The following PLA2G15 variants were observed in gnomAD, a reference collection of about 807,000 sequenced individuals.
PLA2G15 encodes phospholipase A2 group XV, also known as lysosomal phospholipase A and acyltransferase.
PLA2G15 carries 20 observed loss-of-function variants against 40.9 expected under a neutral mutation model. The observed-to-expected ratio is 0.49, with a 90% CI of 0.34 to 0.71. The LOEUF (loss-of-function observed/expected upper bound fraction) is 0.71. PLA2G15 is among the 30% of genes least tolerant of loss of function. The pLI is 0.01. For missense variants in PLA2G15, 471 were observed against 541.9 expected (o/e 0.87, Z 1.30); for synonymous variants, 223 against 228.2 (o/e 0.98, Z 0.21).
At chr16:68,253,590 G>A (rs962695008) in intron 2 of PLA2G15, 2 of 320,224 alleles carry the variant, frequency 6.2e-6, no homozygotes, top group East Asian at 1.1e-4. Context: ...GGCCAGGCTG[G>A]TCTCGAACTC....
chr16:68,258,865 C>T (rs933097664), intron 5 of PLA2G15: 11 of 414,134 alleles, frequency 2.7e-5, no homozygotes, highest in Admixed American at 4.1e-5. Flanking sequence ...AAGGCTGAGG[C>T]GGGAGGATTG....
rs1393475141 is a variant in PLA2G15 at position 68,260,314 on chromosome 16, A to C, written c.*657A>C. 6.5e-6 allele frequency: 1 copy of C among 153,216 alleles called. No homozygotes were observed. The highest frequency in any genetic ancestry group is 2.4e-5 in the African/African-American group (1 of 41,450). The allele number at this position is 153,216 out of a possible 1,614,324, so 9.5% of individuals were successfully genotyped here. A position where few individuals can be genotyped will look rare whatever the true frequency, so the allele number is the denominator to read the frequency against. ...CTCCACTCCTACCTCCCTTACCACC[A>C]GGAGCATTCAAGCTCTGGATTGGGC... is the stretch of plus-strand genomic sequence containing the variant. On this transcript the variant is annotated 3_prime_UTR_variant, in exon 6 of 6. Transcript: ENST00000219345.
At chr16:68,250,187 T>A in intron 2 of PLA2G15, 1 of 256,960 alleles carries the variant, frequency 3.9e-6, no homozygotes, top group Non-Finnish European at 7.8e-6. Context: ...TTTTTTTTTT[T>A]TTTTTTTTTG....
chr16:68,252,639 G>A (rs1451597846), intron 2 of PLA2G15: 2 of 455,538 alleles, frequency 4.4e-6, no homozygotes, highest in East Asian at 1.4e-4. Flanking sequence ...GGTGTTAGAA[G>A]CTGCTGAGTC....
chr16:68,252,255 T>C (rs28536091), intron 2 of PLA2G15, among the ~76,000 whole-genome samples: 1 of 152,188 alleles, frequency 6.6e-6, no homozygotes, highest in Non-Finnish European at 1.5e-5. Flanking sequence ...CTGGAGAGAA[T>C]GGGCCTCCAG....
intron 2 of PLA2G15, among the ~76,000 whole-genome samples, chr16:68,253,679 GTGTTT>G (rs1258125249): frequency 1.6e-5 from 2 of 128,322 alleles, no homozygotes; most frequent in African/African-American, 6.1e-5. Context: ...CTGGCCTAGT[GTGTTT>G]TGTTTTGTTT....
chr16:68,259,204 A>G lies in PLA2G15; in HGVS notation c.786A>G (p.Ser262=). The G allele has an allele frequency of 1.9e-6, 3 of 1,613,770 alleles. No homozygotes were observed. The highest frequency in any genetic ancestry group is 2.5e-6 in the Non-Finnish European group (3 of 1,179,918). Residue 262 remains serine (S), a synonymous_variant, in exon 6 of 6, where the codon TCA becomes TCG. Transcript: ENST00000219345. This position sits in a 1 kb window ranked among gnomAD's most constrained non-coding sequence, Gnocchi z 6.5. ...GPLKIREQQR[S]AVSTSWLLPY... is the part of the protein sequence containing the mutation. ...TGAAGATCCGGGAGCAGCAGCGGTC[A>G]GCTGTCTCCACCAGCTGGCTGCTGC...
intron 2 of PLA2G15, chr16:68,253,374 G>T (rs1051201212): frequency 4.8e-6 from 2 of 419,260 alleles, no homozygotes; most frequent in Non-Finnish European, 9.5e-6. Context: ...GTTTGTTTTT[G>T]TTTGTTTGTT....
chr16:68,249,490 T>TGCCTGAGA (rs2042336745), intron 2 of PLA2G15, 44 bp downstream of exon 2: 2 of 1,575,734 alleles, frequency 1.3e-6, no homozygotes, highest in East Asian at 4.5e-5. Context: ...TCACCAACAG[T>TGCCTGAGA]GCCTGAGAGG....
intron 1 of PLA2G15, among the ~76,000 whole-genome samples, chr16:68,246,172 A>G (rs2042306930): frequency 6.6e-6 from 1 of 152,242 alleles, no homozygotes; most frequent in African/African-American, 2.4e-5. Context: ...GTCAGGCAAC[A>G]TGCTTGTACT....
At chr16:68,251,846 C>T (rs1199459994) in intron 2 of PLA2G15, among the ~76,000 whole-genome samples, 4 of 141,208 alleles carry the variant, frequency 2.8e-5, no homozygotes, top group East Asian at 2.0e-4. Context: ...GGTGACAGAG[C>T]GAGACTGTCT....
chr16:68,258,621 G>A (rs1263014227), intron 5 of PLA2G15, among the ~76,000 whole-genome samples: 1 of 152,116 alleles, frequency 6.6e-6, no homozygotes, highest in Admixed American at 6.6e-5. Context: ...TGTATAAAAA[G>A]TGGAAACATT....
intron 1 of PLA2G15, 137 bp from the exon 2 acceptor site, chr16:68,249,153 T>G: frequency 1.5e-6 from 1 of 681,646 alleles, no homozygotes; most frequent in Non-Finnish European, 2.5e-6. Flanking sequence ...GCACTGTGCT[T>G]TAATTTGAGA....
chr16:68,255,627 G>T lies in PLA2G15; in HGVS notation c.503-139G>T. 1 of 706,950 alleles carries T rather than the reference G, an allele frequency of 1.4e-6. No individual in the cohort carries two copies. The allele number at this position is 706,950 out of a possible 1,614,324, so 43.8% of individuals were successfully genotyped here. On this transcript the variant is annotated intron_variant, in intron 4 of 5. Coordinates refer to ENST00000219345, the MANE Select transcript of PLA2G15 (RefSeq NM_012320.4). The surrounding 1 kb of genome is among the most constrained non-coding windows in gnomAD (Gnocchi z 5.9). ...ATAAGGCTTCCTCCCTTCATGGAAGGCGGGGGGACCCAGACCGCTCTGTTT... is the reference window on the plus strand; with the variant it reads ...ATAAGGCTTCCTCCCTTCATGGAAGTCGGGGGGACCCAGACCGCTCTGTTT...
intron 1 of PLA2G15, among the ~76,000 whole-genome samples, chr16:68,246,924 C>T (rs1317823396): frequency 1.3e-5 from 2 of 152,066 alleles, no homozygotes; most frequent in Non-Finnish European, 2.9e-5. Context: ...GGTTGGCCTG[C>T]AGAGTTCTAA....
intron 1 of PLA2G15, among the ~76,000 whole-genome samples, chr16:68,246,259 A>G (rs948778055): frequency 1.3e-5 from 2 of 152,122 alleles, no homozygotes; most frequent in African/African-American, 4.8e-5. Context: ...CTCCTTGATC[A>G]CAACCCTGGC....
At chr16:68,254,429 G>A (rs1199665429) in intron 2 of PLA2G15, 2 of 153,096 alleles carry the variant, frequency 1.3e-5, no homozygotes, top group African/African-American at 4.9e-5. Context: ...CAACCTCCGT[G>A]TCACAGGTTC....
intron 5 of PLA2G15, among the ~76,000 whole-genome samples, chr16:68,258,177 C>T (rs2042416283): frequency 6.6e-6 from 1 of 152,204 alleles, no homozygotes; most frequent in Admixed American, 6.5e-5. Flanking sequence ...TATAGGGACT[C>T]CGCCTCCATC....
intron 5 of PLA2G15, among the ~76,000 whole-genome samples, chr16:68,257,602 T>C (rs779844017): frequency 1.6e-4 from 24 of 152,198 alleles, no homozygotes; most frequent in Non-Finnish European, 3.2e-4. Context: ...TTGGGAGCTA[T>C]GAGCCAGGGC....
Sources: allele counts gnomAD v4.1 joint callset (sites outside exome capture counted in the v4.1 genomes callset), GRCh38; gene constraint gnomAD v4.1.1; non-coding constraint Gnocchi (gnomAD v3.1); transcripts MANE v1.5; gene names NCBI Gene and HGNC (gene_info 2026-07-23, HGNC 2026-07-21).